LY96: variants seen among roughly 807,000 people sequenced by gnomAD.
LY96 encodes the protein myeloid differentiation protein-2.
A neutral mutation model predicts 18.9 loss-of-function variants in LY96; 18 were observed. The ratio of observed to expected loss-of-function variants is 0.95; its 90% CI spans 0.66 to 1.41. The LOEUF (loss-of-function observed/expected upper bound fraction) is 1.41. Among genes scored for constraint, LY96 ranks in the 40% most tolerant of loss-of-function variants. The pLI is 0.00. For missense variants in LY96, 175 were observed against 182.4 expected, an observed-to-expected ratio of 0.96 and a Z score of 0.23; for synonymous variants, 66 against 62.6, an observed-to-expected ratio of 1.06 and a Z score of -0.26.
chr8:74,021,014 G>A (rs1385250352), intron 3 of LY96, among the ~76,000 whole-genome samples: 3 of 152,110 alleles, frequency 2.0e-5, no homozygotes, highest in Admixed American at 2.0e-4. Context: ...GCATGGGCAA[G>A]GACTTTATGA....
chr8:74,097,807 C>T, the LY96 span, among the ~76,000 whole-genome samples: 2 of 152,146 alleles, frequency 1.3e-5, no homozygotes, highest in Admixed American at 6.5e-5. Flanking sequence ...TTCAGACCAG[C>T]ATCATCAACA....
chr8:74,034,836 A>G, the LY96 span, among the ~76,000 whole-genome samples: 1 of 152,128 alleles, frequency 6.6e-6, no homozygotes, highest in African/African-American at 2.4e-5. Context: ...GCCAGTTTTG[A>G]GGGATAGAAT....
chr8:74,070,592 C>T, the LY96 span, among the ~76,000 whole-genome samples: 1 of 152,280 alleles, frequency 6.6e-6, no homozygotes, highest in African/African-American at 2.4e-5. Flanking sequence ...AGTTCCCCTT[C>T]AACTGACTCC....
chr8:74,042,769 T>C, the LY96 span, among the ~76,000 whole-genome samples: 1 of 151,878 alleles, frequency 6.6e-6, no homozygotes, highest in Non-Finnish European at 1.5e-5. Context: ...TGGAGAACTT[T>C]TGTTTTGTTA....
At chr8:74,010,824 G>A (rs1435977675) in intron 3 of LY96, among the ~76,000 whole-genome samples, 4 of 151,764 alleles carry the variant, frequency 2.6e-5, no homozygotes, top group Non-Finnish European at 1.5e-5. Context: ...ACTAGTAACA[G>A]AGCAGCATCC....
At chr8:74,058,589 G>A in the LY96 span, among the ~76,000 whole-genome samples, 3 of 150,044 alleles carry the variant, frequency 2.0e-5, no homozygotes, top group African/African-American at 4.9e-5. Context: ...GCGCAATCTC[G>A]GCTCACTGCA....
At chr8:74,093,532 A>G in the LY96 span, among the ~76,000 whole-genome samples, 1 of 152,226 alleles carries the variant, frequency 6.6e-6, no homozygotes, top group South Asian at 2.1e-4. Flanking sequence ...ACTTCAGAGA[A>G]CAAATGTTTA....
At chr8:74,008,836 G>T (rs1338471003) in intron 2 of LY96, among the ~76,000 whole-genome samples, 1 of 152,190 alleles carries the variant, frequency 6.6e-6, no homozygotes, top group Non-Finnish European at 1.5e-5. Context: ...ACTGAGGATA[G>T]ATCCTGGAGA....
At chr8:74,097,418 T>C in the LY96 span, among the ~76,000 whole-genome samples, 1,074 of 152,238 alleles carry the variant, frequency 7.1e-3, 15 homozygotes, top group African/African-American at 0.025. Context: ...TTGATATTTA[T>C]AAAGTACTTG....
At chr8:74,034,501 T>C in the LY96 span, among the ~76,000 whole-genome samples, 8 of 152,244 alleles carry the variant, frequency 5.3e-5, no homozygotes, top group Non-Finnish European at 1.0e-4. Context: ...TCATGAATTA[T>C]ATAATTCTCT....
At chr8:74,099,697 C>T in the LY96 span, 2 of 152,214 alleles carry the variant, frequency 1.3e-5, no homozygotes, top group Non-Finnish European at 2.9e-5. Flanking sequence ...AATATGTACA[C>T]TTAACCACTC....
At chr8:74,031,182 C>G (rs145820688), downstream of LY96, among the ~76,000 whole-genome samples, 1,065 of 152,308 alleles carry the variant, frequency 7.0e-3, 10 homozygotes, top group African/African-American at 0.025. Flanking sequence ...CACCATATCT[C>G]TCATCCTCTC....
chr8:74,048,068 TC>T, the LY96 span, among the ~76,000 whole-genome samples: 1 of 152,016 alleles, frequency 6.6e-6, no homozygotes, highest in African/African-American at 2.4e-5. Flanking sequence ...AGCTAACTTT[TC>T]TTTTGGGTGA....
the LY96 span, among the ~76,000 whole-genome samples, chr8:74,057,809 C>T: frequency 6.6e-6 from 1 of 152,210 alleles, no homozygotes; most frequent in Non-Finnish European, 1.5e-5. Flanking sequence ...GCTTAATTTC[C>T]TTACCTTACG....
At chr8:74,035,024 A>G in the LY96 span, among the ~76,000 whole-genome samples, 1 of 152,360 alleles carries the variant, frequency 6.6e-6, no homozygotes, top group East Asian at 1.9e-4. Flanking sequence ...TCCTGGGTAC[A>G]AAACTCCCAG....
the LY96 span, among the ~76,000 whole-genome samples, chr8:74,044,721 A>T: frequency 1.3e-5 from 2 of 152,004 alleles, no homozygotes; most frequent in Non-Finnish European, 2.9e-5. Context: ...AAGATGAACA[A>T]TTTTTTTTCT....
At chr8:74,044,476 A>G in the LY96 span, among the ~76,000 whole-genome samples, 1 of 152,188 alleles carries the variant, frequency 6.6e-6, no homozygotes, top group South Asian at 2.1e-4. Context: ...GCTGTGAGCC[A>G]CTGTACCCAT....
the LY96 span, among the ~76,000 whole-genome samples, chr8:74,039,764 G>A: frequency 8.5e-5 from 13 of 152,134 alleles, no homozygotes; most frequent in South Asian, 2.1e-4. Flanking sequence ...TTCTTCTACC[G>A]CTATCTACTG....
At chr8:74,059,927 T>G in the LY96 span, among the ~76,000 whole-genome samples, 1 of 152,184 alleles carries the variant, frequency 6.6e-6, no homozygotes, top group African/African-American at 2.4e-5. Flanking sequence ...GCACTTGAGC[T>G]CAGGAATTTG....
Sources: allele counts gnomAD v4.1 joint callset (sites outside exome capture counted in the v4.1 genomes callset), GRCh38; gene constraint gnomAD v4.1.1; transcripts MANE v1.5; gene names NCBI Gene and HGNC (gene_info 2026-07-23, HGNC 2026-07-21).